PDE8B: variants seen among roughly 807,000 people sequenced by gnomAD.
The protein encoded by PDE8B is high affinity cAMP-specific and IBMX-insensitive 3',5'-cyclic phosphodiesterase 8B.
PDE8B carries 26 observed loss-of-function variants against 101.3 expected under a neutral mutation model. The ratio of observed to expected loss-of-function variants is 0.26; its 90% CI spans 0.19 to 0.36. PDE8B has a LOEUF of 0.36. Among genes scored for constraint, PDE8B ranks in the 10% least tolerant of loss-of-function variants. The pLI, the probability that PDE8B is intolerant of heterozygous loss-of-function variation, is 1.00. For synonymous variants in PDE8B, 424 were observed against 429.3 expected (o/e 0.99, Z 0.15); for missense variants, 810 against 1,163.1 (o/e 0.70, Z 4.42).
Position 77,314,434 on chromosome 5 carries a change from G to A in PDE8B, c.399+2381G>A, listed in dbSNP as rs536253481. 4.2e-4 allele frequency among the ~76,000 whole-genome samples: 64 copies of A among 152,146 alleles called. No individual in the cohort carries two copies. In the South Asian group the frequency reaches 9.1e-3, roughly 22 times the overall value. The stretch of plus-strand genomic sequence containing the variant: ...TTTCTGTGGGGGCTTCGGGGAGCTA[G>A]CTGGGATTTTGATAGGGATTGCAAT... On this transcript the variant is annotated intron_variant, in intron 2 of 21. Transcript: ENST00000264917.
chr5:77,169,557 G>T, the PDE8B span, among the ~76,000 whole-genome samples: 13 of 152,154 alleles, frequency 8.5e-5, no homozygotes, highest in Non-Finnish European at 1.5e-4. Flanking sequence ...AGGAGAGGAG[G>T]TCAGAGCAGG....
At chr5:77,410,548 C>T (rs966454733) in intron 14 of PDE8B, 1 of 152,198 alleles carries the variant, frequency 6.6e-6, no homozygotes, top group Non-Finnish European at 1.5e-5. Context: ...GGTTTCCTCT[C>T]CAGAGAATGC....
At chr5:77,111,426 T>C in the PDE8B span, among the ~76,000 whole-genome samples, 21 of 152,312 alleles carry the variant, frequency 1.4e-4, no homozygotes, top group Non-Finnish European at 2.8e-4. Context: ...GTGGAAGATA[T>C]CCATATTCAA....
chr5:77,263,435 G>A (rs1189220532), intron 1 of PDE8B, among the ~76,000 whole-genome samples: 1 of 152,122 alleles, frequency 6.6e-6, no homozygotes, highest in Non-Finnish European at 1.5e-5. Context: ...AGAGCTTTAT[G>A]TTGAATACCA....
intron 1 of PDE8B, among the ~76,000 whole-genome samples, chr5:77,310,241 G>A (rs1772292029): frequency 6.6e-6 from 1 of 152,202 alleles, no homozygotes; most frequent in Non-Finnish European, 1.5e-5. Context: ...GAGAGCCACC[G>A]CATCTGGCCC....
chr5:77,292,964 T>C (rs964107604), intron 1 of PDE8B, among the ~76,000 whole-genome samples: 17 of 152,144 alleles, frequency 1.1e-4, no homozygotes, highest in Non-Finnish European at 2.5e-4. Flanking sequence ...TTTTCAATAT[T>C]CTCATGGGAT....
At chr5:77,409,797 G>A (rs951580484) in intron 14 of PDE8B, among the ~76,000 whole-genome samples, 12 of 152,268 alleles carry the variant, frequency 7.9e-5, no homozygotes, top group African/African-American at 2.9e-4. Context: ...CAGAAGTCAT[G>A]TATGAGTTTG....
intron 10 of PDE8B, among the ~76,000 whole-genome samples, chr5:77,396,487 T>C (rs1335199814): frequency 6.6e-6 from 1 of 152,184 alleles, no homozygotes; most frequent in African/African-American, 2.4e-5. Flanking sequence ...TCCTTAGGAG[T>C]TGGATTTTTC....
At chr5:77,136,987 G>A in the PDE8B span, among the ~76,000 whole-genome samples, 27 of 152,188 alleles carry the variant, frequency 1.8e-4, no homozygotes, top group African/African-American at 6.5e-4. Flanking sequence ...CTCAAAGCCT[G>A]GGCACTAGTT....
intron 1 of PDE8B, among the ~76,000 whole-genome samples, chr5:77,220,720 A>G (rs1266258799): frequency 6.6e-6 from 1 of 152,180 alleles, no homozygotes; most frequent in Non-Finnish European, 1.5e-5. Flanking sequence ...TAGAACTCCC[A>G]TTTCTTTTGT....
In PDE8B at chr5:77,325,745, T is replaced by G. The variant is rs1489641013; in HGVS notation, c.590+16T>G. 6.5e-6 allele frequency: 10 copies of G among 1,541,580 alleles called. No homozygotes were observed. The South Asian group carries it at 8.9e-5, about 14-fold the overall frequency. ...CAGTGTGCAGGTACCTTCTCTAATT[T>G]AATATGCTTAGTAAATGTTCACTTT... On this transcript the variant is annotated intron_variant, in intron 3 of 21. Coordinates refer to ENST00000264917, the MANE Select transcript of PDE8B (RefSeq NM_003719.5).
At chr5:77,102,676 G>A in the PDE8B span, among the ~76,000 whole-genome samples, 1 of 151,748 alleles carries the variant, frequency 6.6e-6, no homozygotes, top group Non-Finnish European at 1.5e-5. Context: ...GTGATCCTAT[G>A]TGTAACAAAA....
chr5:77,162,134 G>A, the PDE8B span, among the ~76,000 whole-genome samples: 4 of 151,406 alleles, frequency 2.6e-5, no homozygotes, highest in Non-Finnish European at 4.4e-5. Flanking sequence ...TCTATGTATC[G>A]CCACAAAAAA....
At chr5:77,167,527 C>T in the PDE8B span, among the ~76,000 whole-genome samples, 1 of 152,182 alleles carries the variant, frequency 6.6e-6, no homozygotes, top group African/African-American at 2.4e-5. Flanking sequence ...ACAGCACTTT[C>T]CAGGGCACGT....
At chr5:77,228,179 G>C (rs1752827000) in intron 1 of PDE8B, among the ~76,000 whole-genome samples, 1 of 152,174 alleles carries the variant, frequency 6.6e-6, no homozygotes. Flanking sequence ...CTTGTTGACT[G>C]TTGGCTGGAC....
At chr5:77,269,431 T>C (rs1762357077) in intron 1 of PDE8B, among the ~76,000 whole-genome samples, 1 of 152,218 alleles carries the variant, frequency 6.6e-6, no homozygotes, top group Admixed American at 6.5e-5. Context: ...GGGTTGTCTC[T>C]TCACTTTGTT....
chr5:77,224,318 C>T (rs1751864987), intron 1 of PDE8B, among the ~76,000 whole-genome samples: 1 of 152,004 alleles, frequency 6.6e-6, no homozygotes, highest in Admixed American at 6.5e-5. Flanking sequence ...AATATACAAG[C>T]CGATTTTTGA....
At chr5:77,243,312 A>G (rs1756160505) in intron 1 of PDE8B, among the ~76,000 whole-genome samples, 1 of 152,212 alleles carries the variant, frequency 6.6e-6, no homozygotes, top group East Asian at 1.9e-4. Context: ...TTTAGGAGTT[A>G]GCATTGCATT....
the PDE8B span, among the ~76,000 whole-genome samples, chr5:77,132,825 C>A: frequency 6.6e-6 from 1 of 152,214 alleles, no homozygotes; most frequent in African/African-American, 2.4e-5. Flanking sequence ...ATGGGAGGTA[C>A]ATTAACTGAG....
Sources: allele counts gnomAD v4.1 joint callset (sites outside exome capture counted in the v4.1 genomes callset), GRCh38; gene constraint gnomAD v4.1.1; transcripts MANE v1.5; gene names NCBI Gene and HGNC (gene_info 2026-07-23, HGNC 2026-07-21).